PDE1A: variants seen among roughly 807,000 people sequenced by gnomAD.
PDE1A encodes dual specificity calcium/calmodulin-dependent 3',5'-cyclic nucleotide phosphodiesterase 1A.
A neutral mutation model predicts 61.7 loss-of-function variants in PDE1A; 35 were observed. The ratio of observed to expected loss-of-function variants is 0.57; its 90% CI spans 0.43 to 0.75. The LOEUF (loss-of-function observed/expected upper bound fraction) is 0.75, where lower values mean the gene tolerates loss of function less well. Among genes scored for constraint, PDE1A ranks in the 30% least tolerant of loss-of-function variants. PDE1A has a pLI of 0.00. For missense variants in PDE1A, 597 were observed against 630.6 expected, an observed-to-expected ratio of 0.95 and a Z score of 0.57; for synonymous variants, 232 against 213.2, an observed-to-expected ratio of 1.09 and a Z score of -0.77.
chr2:182,524,803 AT>A (rs1192218179), upstream of PDE1A, among the ~76,000 whole-genome samples: 1 of 151,968 alleles, frequency 6.6e-6, no homozygotes, highest in African/African-American at 2.4e-5. Context: ...ACAGTAAAAA[AT>A]GATCCAATTT....
intron 1 of PDE1A, among the ~76,000 whole-genome samples, chr2:182,334,315 A>T (rs530268077): frequency 5.9e-5 from 9 of 151,822 alleles, no homozygotes; most frequent in African/African-American, 2.2e-4. Context: ...CACCAAAAAA[A>T]AAAGAAAGAA....
chr2:182,345,466 T>C (rs1196259402), intron 1 of PDE1A, among the ~76,000 whole-genome samples: 1 of 152,222 alleles, frequency 6.6e-6, no homozygotes, highest in Non-Finnish European at 1.5e-5. Flanking sequence ...TCAGATTCTC[T>C]GCCAAAAACC....
chr2:182,238,278 A>G (rs1460749612), intron 3 of PDE1A, among the ~76,000 whole-genome samples: 1 of 150,100 alleles, frequency 6.7e-6, no homozygotes, highest in East Asian at 1.9e-4. Context: ...AAAAAAAAAA[A>G]AAAAGAAAAA....
intron 11 of PDE1A, among the ~76,000 whole-genome samples, chr2:182,187,189 C>T (rs374726518): frequency 1.3e-5 from 2 of 152,170 alleles, no homozygotes. Flanking sequence ...TCTGTCAAAT[C>T]AGTGAAGAGA....
chr2:182,140,416 C>G (rs1338667162), exon 15 of PDE1A: 1 of 152,144 alleles, frequency 6.6e-6, no homozygotes, highest in African/African-American at 2.4e-5. Context: ...TGGGTTTCCC[C>G]CAATTTCTCC....
the PDE1A span, among the ~76,000 whole-genome samples, chr2:182,700,721 C>CAAAAAAAAAAAAAA: frequency 2.8e-3 from 66 of 23,996 alleles, 5 homozygotes; most frequent in Non-Finnish European, 4.4e-3. Flanking sequence ...GACTCCATCT[C>CAAAAAAAAAAAAAA]AAAAAAAAAA....
the PDE1A span, among the ~76,000 whole-genome samples, chr2:182,543,190 T>C: frequency 5.9e-5 from 9 of 152,318 alleles, no homozygotes; most frequent in East Asian, 1.7e-3. Context: ...AGCTCAGATA[T>C]AGAAATATAA....
chr2:182,564,233 CT>C, the PDE1A span, among the ~76,000 whole-genome samples: 1 of 152,022 alleles, frequency 6.6e-6, no homozygotes, highest in South Asian at 2.1e-4. Context: ...TTCAGGAGCT[CT>C]TTTAGGGCAG....
At chr2:182,320,345 T>A (rs575097526) in intron 1 of PDE1A, among the ~76,000 whole-genome samples, 1 of 152,174 alleles carries the variant, frequency 6.6e-6, no homozygotes, top group Non-Finnish European at 1.5e-5. Flanking sequence ...GATCCTAAGG[T>A]GCTGGGGTAT....
intron 2 of PDE1A, among the ~76,000 whole-genome samples, chr2:182,494,077 T>C (rs1257728351): frequency 1.3e-5 from 2 of 152,220 alleles, no homozygotes; most frequent in East Asian, 3.8e-4. Flanking sequence ...AAATGTACAT[T>C]CAAAACAATC....
exon 15 of PDE1A, chr2:182,140,361 G>C (rs111377536): frequency 6.6e-6 from 1 of 152,178 alleles, no homozygotes; most frequent in Non-Finnish European, 1.5e-5. Flanking sequence ...GGAACAAAAA[G>C]CACTTTCTTA....
intron 2 of PDE1A, among the ~76,000 whole-genome samples, chr2:182,263,909 ACC>A (rs2125787078): frequency 6.6e-6 from 1 of 152,184 alleles, no homozygotes; most frequent in African/African-American, 2.4e-5. Context: ...GGCATATAAC[ACC>A]CATTTTCCTA....
chr2:182,155,157 G>A (rs960916817), intron 13 of PDE1A, among the ~76,000 whole-genome samples: 1 of 149,310 alleles, frequency 6.7e-6, no homozygotes, highest in Non-Finnish European at 1.5e-5. Flanking sequence ...TGCCATCATG[G>A]CTCACTGCAG....
At chr2:182,529,334 C>A in the PDE1A span, among the ~76,000 whole-genome samples, 7 of 152,322 alleles carry the variant, frequency 4.6e-5, no homozygotes, top group African/African-American at 7.2e-5. Flanking sequence ...GGATTTCGAA[C>A]TTGATAGGGC....
intron 2 of PDE1A, among the ~76,000 whole-genome samples, chr2:182,492,137 T>C (rs1688433702): frequency 6.6e-6 from 1 of 152,192 alleles, no homozygotes; most frequent in East Asian, 1.9e-4. Context: ...TTTAGATTTG[T>C]GAATTTTTTT....
the PDE1A span, among the ~76,000 whole-genome samples, chr2:182,630,850 C>A: frequency 6.6e-6 from 1 of 152,130 alleles, no homozygotes; most frequent in Non-Finnish European, 1.5e-5. Flanking sequence ...ATCATAAACA[C>A]ACCAAAATTT....
intron 1 of PDE1A, among the ~76,000 whole-genome samples, chr2:182,401,511 G>C (rs1701996943): frequency 6.6e-6 from 1 of 152,138 alleles, no homozygotes; most frequent in Non-Finnish European, 1.5e-5. Context: ...AGGTACTGAT[G>C]GGAAGTATCT....
At chr2:182,709,518 G>T in the PDE1A span, among the ~76,000 whole-genome samples, 1 of 152,292 alleles carries the variant, frequency 6.6e-6, no homozygotes, top group African/African-American at 2.4e-5. Context: ...ACCAACCAAT[G>T]AAACGTAATT....
intron 2 of PDE1A, among the ~76,000 whole-genome samples, chr2:182,493,638 C>T (rs917163354): frequency 5.3e-5 from 8 of 152,124 alleles, no homozygotes; most frequent in African/African-American, 1.2e-4. Context: ...ATGTTTATTG[C>T]GGCATTATTC....
Sources: gnomAD v4.1 joint callset for allele counts (sites outside exome capture counted in the v4.1 genomes callset) on GRCh38, gnomAD v4.1.1 for gene constraint, MANE v1.5 for transcripts, NCBI Gene and HGNC (gene_info 2026-07-23, HGNC 2026-07-21) for gene names.